AGRN: variants seen among roughly 807,000 people sequenced by gnomAD.
AGRN encodes the protein agrin proteoglycan.
AGRN carries 106 observed loss-of-function variants against 211.0 expected under a neutral mutation model. That is an observed-to-expected ratio of 0.50 (90% CI 0.43 to 0.59). The LOEUF is 0.59. AGRN is among the 20% of genes least tolerant of loss of function. The probability of loss-of-function intolerance (pLI) is 0.00; values close to 1 mark genes in which losing one functional copy is unlikely to be tolerated. For synonymous variants in AGRN, 1,525 were observed against 1,332.5 expected (o/e 1.14, Z -3.15); for missense variants, 3,040 against 2,982.6 (o/e 1.02, Z -0.45).
Position 1,055,019 on chromosome 1 carries a change from C to G in AGRN, c.*38C>G, listed in dbSNP as rs892797048. 9 of 1,543,930 alleles carry G rather than the reference C, an allele frequency of 5.8e-6. No individual in the cohort carries two copies. The Admixed American group carries it at 1.8e-4, about 30-fold the overall frequency. ...GCCCCGCGCCCGCTGTAATTATTTT[C>G]TATTTTTGTAAACTTGTTGCTTTTT... On this transcript the variant is annotated 3_prime_UTR_variant, in exon 36 of 36. Coordinates refer to ENST00000379370, the MANE Select transcript of AGRN (RefSeq NM_198576.4).
intron 3 of AGRN, among the ~76,000 whole-genome samples, chr1:1,035,649 A>T (rs1644786663): frequency 6.6e-6 from 1 of 152,156 alleles, no homozygotes; most frequent in African/African-American, 2.4e-5. Flanking sequence ...GAGTCCGGTC[A>T]GGGGGCTCCG....
At chr1:1,041,117 C>G (rs1379989367) in intron 4 of AGRN, 56 bp from the exon 5 acceptor site, 1 of 613,906 alleles carries the variant, frequency 1.6e-6, no homozygotes, top group Admixed American at 1.4e-4. Flanking sequence ...GGGGCGGGAG[C>G]GGGGCGGGAG....
rs377147965 is a variant in AGRN, at chr1:1,035,232, G to A, written c.464-45G>A. ...CTGGGCAAAGGGATGGGACAGGGAG[G>A]AGCCTGCTCAGAGGAGCCTAACTTG... On this transcript the variant is annotated intron_variant, in intron 2 of 35. Transcript: ENST00000379370. 16 of 1,608,072 alleles carry A rather than the reference G, an allele frequency of 9.9e-6. No individual in the cohort carries two copies. In the African/African-American group the frequency reaches 1.6e-4, roughly 16 times the overall value.
chr1:1,049,875 G>T (rs372217212), intron 26 of AGRN, 28 bp from the exon 27 acceptor site: 49 of 1,611,188 alleles, frequency 3.0e-5, no homozygotes, highest in Non-Finnish European at 4.0e-5. Context: ...CTGGGACCTC[G>T]GTCCCGGTCC....
At chr1:1,047,988 C>A (rs755771034) in intron 22 of AGRN, 24 bp from the exon 23 acceptor site, 23 of 1,570,266 alleles carry the variant, frequency 1.5e-5, no homozygotes, top group Admixed American at 1.8e-5. Flanking sequence ...CCCAGGAAAC[C>A]CTAACAGCTC....
At chr1:1,036,517 T>G (rs1375735589) in intron 3 of AGRN, among the ~76,000 whole-genome samples, 2 of 152,066 alleles carry the variant, frequency 1.3e-5, no homozygotes, top group Non-Finnish European at 2.9e-5. Flanking sequence ...CACCAGCAAG[T>G]GGGCAGTGGT....
intron 2 of AGRN, among the ~76,000 whole-genome samples, chr1:1,024,779 G>C (rs1486204605): frequency 2.0e-5 from 3 of 151,906 alleles, no homozygotes; most frequent in African/African-American, 4.8e-5. Context: ...CCTCAGAAAG[G>C]CTCCTCCCCC....
intron 35 of AGRN, 131 bp downstream of exon 35, chr1:1,054,682 G>T: frequency 2.0e-6 from 3 of 1,480,724 alleles, no homozygotes; most frequent in Non-Finnish European, 2.7e-6. Flanking sequence ...CTCTTCTCCC[G>T]CTGTAGCCCC....
chr1:1,048,092 C>A lies in AGRN; in HGVS notation c.3832C>A (p.Arg1278Ser). The A allele has an allele frequency of 6.4e-7, 1 of 1,573,240 alleles. No individual in the cohort carries two copies. Among genetic ancestry groups the A allele is most frequent in the Non-Finnish European group, 8.6e-7 (1 of 1,167,136 alleles). The stretch of plus-strand genomic sequence containing the variant: ...CACGGCCAGAGCCACCACTGCATCG[C>A]GCCTGCCGTCCTCTGCTGTGACCCC... ...GATARATTAS[R>S]LPSSAVTPRA... The change falls in exon 23 of 36, where the codon CGC becomes AGC. Residue 1278 changes from arginine to serine, a missense_variant. Coordinates refer to ENST00000379370, the MANE Select transcript of AGRN (RefSeq NM_198576.4). This position sits in a 1 kb window ranked among gnomAD's most constrained non-coding sequence, Gnocchi z 5.9.
At chr1:1,037,612 G>A (rs561841146) in intron 3 of AGRN, among the ~76,000 whole-genome samples, 1 of 152,348 alleles carries the variant, frequency 6.6e-6, no homozygotes, top group South Asian at 2.1e-4. Context: ...CCGGGGAGGG[G>A]CTCCTGCAGG....
intron 33 of AGRN, 46 bp from the exon 34 acceptor site, chr1:1,053,707 C>G: frequency 1.3e-6 from 2 of 1,550,906 alleles, no homozygotes; most frequent in Non-Finnish European, 1.7e-6. Flanking sequence ...CCACCCTGTC[C>G]TGTTGCCACC....
chr1:1,050,511 G>A lies in AGRN; in HGVS notation c.5061G>A (p.Lys1687=), dbSNP rs1645251041. ...ACAACGGGCAGAAGACGGACGGCAA[G>A]GGGGACTTCGTGTCGCTGGCACTGC... The part of the protein sequence containing the change: ...LLYNGQKTDG[K]GDFVSLALRD... Residue 1687 remains lysine, a synonymous_variant, in exon 29 of 36, where the codon AAG becomes AAA. Transcript: ENST00000379370. 2 of 1,612,770 alleles carry A rather than the reference G, an allele frequency of 1.2e-6. No individual in the cohort carries two copies. Among genetic ancestry groups the A allele is most frequent in the Non-Finnish European group, 1.7e-6 (2 of 1,179,898 alleles).
chr1:1,050,459 C>T lies in AGRN; in HGVS notation c.5009C>T (p.Ala1670Val), dbSNP rs1228847908. Residue 1670 changes from alanine (A) to valine (V), a missense_variant, in exon 29 of 36, where the codon GCA (alanine) becomes GTA (valine). This residue lies in a region of AGRN where 1,537 missense variants were observed against 1,505.0 expected (regional missense o/e 1.02). Coordinates refer to ENST00000379370, the MANE Select transcript of AGRN (RefSeq NM_198576.4). ...EKMALEVVFL[A>V]RGPSGLLLYN... ...ATGGCGCTGGAGGTCGTGTTCCTGG[C>T]ACGAGGCCCCAGCGGCCTCCTGCTC... is the stretch of plus-strand genomic sequence containing the variant. The T allele has an allele frequency of 1.2e-6, 2 of 1,612,920 alleles. No homozygotes were observed. The highest frequency in any genetic ancestry group is 4.5e-5 in the East Asian group (2 of 44,880).
At position 1,049,661 on chromosome 1, in the gene AGRN, G is replaced by A; in HGVS notation, c.4610G>A (p.Gly1537Glu). 6.3e-7 allele frequency: 1 copy of A among 1,580,678 alleles called. No individual in the cohort carries two copies. The stretch of plus-strand genomic sequence containing the variant: ...CGCCTGGAGCTTGGCATTGGGCCGG[G>A]GGCTGCCACCCGAGGCTCTGGCGTG... ...NQRLELGIGP[G>E]AATRGSGVGE... Residue 1537 changes from glycine (G) to glutamate (E), a missense_variant, in exon 26 of 36, where the codon GGG (glycine) becomes GAG (glutamate). Transcript: ENST00000379370.
rs1381732206 is a variant in AGRN, at chr1:1,020,484, T to C, written c.201+111T>C. ...GTCGCTCCGCAGCCCCCGCTCCGGC[T>C]CCCTTGGCGACCGCCAAGCCCCGGG... On this transcript the variant is annotated intron_variant, in intron 1 of 35. Coordinates refer to ENST00000379370, the MANE Select transcript of AGRN (RefSeq NM_198576.4). 7.2e-6 allele frequency: 8 copies of C among 1,103,502 alleles called. 1 individual carries two copies. In the African/African-American group the frequency reaches 1.3e-4, roughly 18 times the overall value. The allele number at this position is 1,103,502 out of a possible 1,614,324, so 68.4% of individuals were successfully genotyped here.
At chr1:1,054,755 C>T in intron 35 of AGRN, 69 bp from the exon 36 acceptor site, 1 of 1,530,874 alleles carries the variant, frequency 6.5e-7, no homozygotes, top group Non-Finnish European at 8.8e-7. Flanking sequence ...CTGCTGGTCA[C>T]CTGCTCGTTG....
intron 4 of AGRN, 26 bp downstream of exon 4, chr1:1,040,906 G>C (rs1193322440): frequency 7.1e-7 from 1 of 1,416,134 alleles, no homozygotes; most frequent in Admixed American, 3.1e-5. Context: ...CCGGTGCCTG[G>C]GGCGGGGAGG....
At position 1,046,598 on chromosome 1, in the gene AGRN, T is replaced by C; in HGVS notation, c.3113T>C (p.Val1038Ala). 6.2e-7 allele frequency: 1 copy of C among 1,605,546 alleles called. No individual in the cohort carries two copies. The highest frequency in any genetic ancestry group is 1.1e-5 in the South Asian group (1 of 90,930). ...GTCCCCAGGACCACCGTGTGGCCCGTGCTGACGGTGCCCCCCACGGCACCC... is the reference window on the plus strand; with the variant it reads ...GTCCCCAGGACCACCGTGTGGCCCGCGCTGACGGTGCCCCCCACGGCACCC... ...ASVPRTTVWPVLTVPPTAPSP... is the reference protein window; with the variant it reads ...ASVPRTTVWPALTVPPTAPSP... Residue 1038 changes from valine to alanine, a missense_variant, in exon 18 of 36, where the codon GTG becomes GCG. Val to Ala is a moderately conservative substitution (Grantham distance 64). Transcript: ENST00000379370.
intron 2 of AGRN, among the ~76,000 whole-genome samples, chr1:1,033,117 A>C (rs1644709076): frequency 6.6e-6 from 1 of 152,030 alleles, no homozygotes; most frequent in South Asian, 2.1e-4. Flanking sequence ...GGGGCGTTCC[A>C]GCCCCACGGA....
Sources: gnomAD v4.1 joint callset for allele counts (sites outside exome capture counted in the v4.1 genomes callset) on GRCh38, gnomAD v4.1.1 for gene constraint, gnomAD v4.1.1 regional missense constraint, Gnocchi (gnomAD v3.1) non-coding constraint, MANE v1.5 for transcripts, NCBI Gene and HGNC (gene_info 2026-07-23, HGNC 2026-07-21) for gene names.